The following CSRNP3 variants were observed in gnomAD, a reference collection of about 807,000 sequenced individuals.
CSRNP3 encodes cysteine/serine-rich nuclear protein 3.
In CSRNP3, 12 loss-of-function variants were observed where a neutral mutation model predicts 48.0. The observed-to-expected ratio is 0.25, with a 90% CI of 0.16 to 0.41. CSRNP3 has a LOEUF of 0.41. Among genes scored for constraint, CSRNP3 ranks in the 10% least tolerant of loss-of-function variants. The pLI, the probability that CSRNP3 is intolerant of heterozygous loss-of-function variation, is 1.00. For synonymous variants in CSRNP3, 263 were observed against 269.7 expected (o/e 0.98, Z 0.24); for missense variants, 580 against 724.4 (o/e 0.80, Z 2.29).
chr2:165,586,001 C>T lies in CSRNP3; in HGVS notation c.-23-9042C>T, dbSNP rs563166960. On this transcript the variant is annotated intron_variant, in intron 3 of 6. Transcript: ENST00000651982. ...ACAGTGTGATGGAATAAGGATCCTA[C>T]GGATCAGATGAACCCAGGACTCACA... is the stretch of plus-strand genomic sequence containing the variant. Among the ~76,000 whole-genome samples, 16 of 152,268 alleles carry T rather than the reference C, an allele frequency of 1.1e-4. No homozygotes were observed. In the South Asian group the frequency reaches 1.2e-3, roughly 12 times the overall value.
chr2:165,611,390 C>CAT (rs560832171), intron 4 of CSRNP3, among the ~76,000 whole-genome samples: 10 of 111,542 alleles, frequency 9.0e-5, no homozygotes, highest in African/African-American at 2.4e-4. Flanking sequence ...TATATACATA[C>CAT]ATATATATAT....
At chr2:165,552,286 C>T (rs1177506643) in intron 3 of CSRNP3, among the ~76,000 whole-genome samples, 1 of 152,196 alleles carries the variant, frequency 6.6e-6, no homozygotes, top group African/African-American at 2.4e-5. Flanking sequence ...AGTCTCAAGA[C>T]AGGATTCCAC....
chr2:165,486,335 G>T (rs1199823376), intron 1 of CSRNP3, among the ~76,000 whole-genome samples: 1 of 151,998 alleles, frequency 6.6e-6, no homozygotes, highest in Non-Finnish European at 1.5e-5. Context: ...AGCAGTCTGA[G>T]ATCAAACTGC....
chr2:165,574,774 G>A (rs910692710), intron 3 of CSRNP3, among the ~76,000 whole-genome samples: 1 of 152,062 alleles, frequency 6.6e-6, no homozygotes, highest in African/African-American at 2.4e-5. Flanking sequence ...TTAAAGAAAT[G>A]TATTTAAAAT....
chr2:165,506,417 C>G (rs1318914732), intron 2 of CSRNP3, among the ~76,000 whole-genome samples: 1 of 152,110 alleles, frequency 6.6e-6, no homozygotes, highest in Non-Finnish European at 1.5e-5. Context: ...AATATTCTCA[C>G]CAACCCATCC....
In CSRNP3 at chr2:165,678,286, TGCTTGTTTAAAATCAG is replaced by T. The variant is rs561603416; in HGVS notation, c.706-412_706-397del. ...CATGTGGAGAGGAGTACAGTAAGTT[TGCTTGTTTAAAATCAG>T]GCACAAGAGCTGGGGTGCAGCAGAA... On this transcript the variant is annotated intron_variant, in intron 6 of 6. Transcript: ENST00000651982. Among the ~76,000 whole-genome samples, 21 of 152,296 alleles carry T rather than the reference TGCTTGTTTAAAATCAG, an allele frequency of 1.4e-4. No individual in the cohort carries two copies. In the East Asian group the frequency reaches 4.1e-3, roughly 29 times the overall value.
At chr2:165,533,168 A>G (rs924510911) in intron 3 of CSRNP3, among the ~76,000 whole-genome samples, 1 of 152,096 alleles carries the variant, frequency 6.6e-6, no homozygotes. Flanking sequence ...TAGCTTCAAC[A>G]TTTCTGTTAA....
At chr2:165,502,676 A>G (rs1684373086) in intron 2 of CSRNP3, among the ~76,000 whole-genome samples, 1 of 151,450 alleles carries the variant, frequency 6.6e-6, no homozygotes, top group Non-Finnish European at 1.5e-5. Context: ...CTAGTTAGGT[A>G]TTTTCTCTCT....
Position 165,491,950 on chromosome 2 carries a change from T to TAAAAAAAAAA in CSRNP3, c.-282-2801_-282-2792dup, listed in dbSNP as rs560385044. ...ATGTACCCTAAAACTTAAAGTATAA[T>TAAAAAAAAAA]AAAAAAAAAAAAAAAAACAAAGCTA... On this transcript the variant is annotated intron_variant, in intron 1 of 6. Transcript: ENST00000651982. Among the ~76,000 whole-genome samples, 29 of 104,396 alleles carry TAAAAAAAAAA rather than the reference T, an allele frequency of 2.8e-4. 1 individual carries two copies. Among genetic ancestry groups the TAAAAAAAAAA allele is most frequent in the East Asian group, 1.6e-3 (6 of 3,822 alleles). 68.5% of individuals were successfully genotyped at this position (104,396 alleles called of 152,430 possible).
intron 2 of CSRNP3, among the ~76,000 whole-genome samples, chr2:165,510,180 G>A (rs918810884): frequency 2.6e-5 from 4 of 151,838 alleles, no homozygotes; most frequent in South Asian, 2.1e-4. Flanking sequence ...ATTTTTTCAC[G>A]CTCTGTTTTT....
chr2:165,577,387 A>G (rs971400836), intron 3 of CSRNP3, among the ~76,000 whole-genome samples: 2 of 151,926 alleles, frequency 1.3e-5, no homozygotes, highest in Admixed American at 6.6e-5. Flanking sequence ...TAGTAATGCT[A>G]TAGTAATACC....
At chr2:165,515,746 C>T (rs1013883740) in intron 2 of CSRNP3, among the ~76,000 whole-genome samples, 15 of 151,220 alleles carry the variant, frequency 9.9e-5, no homozygotes, top group African/African-American at 2.9e-4. Context: ...ATATGCAACT[C>T]AACATCTAAT....
At chr2:165,563,259 G>C (rs887081279) in intron 3 of CSRNP3, among the ~76,000 whole-genome samples, 1 of 152,112 alleles carries the variant, frequency 6.6e-6, no homozygotes, top group Non-Finnish European at 1.5e-5. Flanking sequence ...TAGCTTAATA[G>C]TCAGACAAAA....
chr2:165,616,091 A>G (rs746159575), intron 4 of CSRNP3, among the ~76,000 whole-genome samples: 42 of 152,004 alleles, frequency 2.8e-4, no homozygotes, highest in Admixed American at 5.2e-4. Context: ...TCTTGTGGGC[A>G]ACATATAATT....
intron 4 of CSRNP3, among the ~76,000 whole-genome samples, chr2:165,634,279 G>A (rs1686590920): frequency 6.6e-6 from 1 of 152,146 alleles, no homozygotes; most frequent in Admixed American, 6.5e-5. Context: ...AGTCAAGGCT[G>A]CAGTGAGCTG....
intron 3 of CSRNP3, among the ~76,000 whole-genome samples, chr2:165,577,328 A>G (rs1685469092): frequency 6.6e-6 from 1 of 151,874 alleles, no homozygotes; most frequent in African/African-American, 2.4e-5. Context: ...ATTAAAAATT[A>G]TAAGAACAAT....
chr2:165,655,863 T>C (rs1480098752), intron 4 of CSRNP3, among the ~76,000 whole-genome samples: 1 of 152,216 alleles, frequency 6.6e-6, no homozygotes, highest in Non-Finnish European at 1.5e-5. Context: ...TTAACTTTTA[T>C]AAACACACCA....
chr2:165,569,834 A>G (rs1685344603), intron 3 of CSRNP3, among the ~76,000 whole-genome samples: 1 of 151,834 alleles, frequency 6.6e-6, no homozygotes, highest in African/African-American at 2.4e-5. Context: ...AGGCAATTTT[A>G]TGAGATTTCA....
At position 165,657,887 on chromosome 2, in the gene CSRNP3, T is replaced by C. The variant is rs748654810; in HGVS notation, c.275T>C (p.Leu92Pro). Residue 92 changes from leucine to proline, a missense_variant, in exon 5 of 7, where the codon CTG becomes CCG. Physicochemically the swap from Leu to Pro is moderately conservative, Grantham distance 98 (BLOSUM62 -3). Transcript: ENST00000651982. Reference protein sequence around the residue: ...TSVPSQGGSTLGMSSRHNSVR... With the variant: ...TSVPSQGGSTPGMSSRHNSVR... ...GTGCCCAGTCAAGGGGGAAGCACCC[T>C]GGGGATGTCCAGCCGCCATAACAGC... The C allele has an allele frequency of 6.2e-7, 1 of 1,609,794 alleles. No homozygotes were observed. Among genetic ancestry groups the C allele is most frequent in the Non-Finnish European group, 8.5e-7 (1 of 1,178,034 alleles).
Sources: gnomAD v4.1 joint callset for allele counts (sites outside exome capture counted in the v4.1 genomes callset) on GRCh38, gnomAD v4.1.1 for gene constraint, MANE v1.5 for transcripts, NCBI Gene and HGNC (gene_info 2026-07-23, HGNC 2026-07-21) for gene names.